Variants in TNFSF4 observed in about 807,000 individuals in gnomAD.
TNFSF4 encodes tumor necrosis factor ligand superfamily member 4.
A neutral mutation model predicts 7.3 loss-of-function variants in TNFSF4; 4 were observed. That is an observed-to-expected ratio of 0.55 (90% CI 0.27 to 1.25). TNFSF4 has a LOEUF of 1.25. Among genes scored for constraint, TNFSF4 ranks in the 50% most tolerant of loss-of-function variants. TNFSF4 has a pLI of 0.12. For missense variants in TNFSF4, 181 were observed against 208.8 expected, an observed-to-expected ratio of 0.87 and a Z score of 0.82; for synonymous variants, 76 against 83.7, an observed-to-expected ratio of 0.91 and a Z score of 0.50.
chr1:173,299,512 C>T, the TNFSF4 span, among the ~76,000 whole-genome samples: 6 of 151,846 alleles, frequency 4.0e-5, no homozygotes, highest in Non-Finnish European at 7.4e-5. Flanking sequence ...CCTTCTCCCA[C>T]GGGAAATATT....
At chr1:173,361,958 T>C in the TNFSF4 span, among the ~76,000 whole-genome samples, 4 of 152,170 alleles carry the variant, frequency 2.6e-5, no homozygotes, top group Non-Finnish European at 4.4e-5. Flanking sequence ...TAGAACTCTA[T>C]CTCCATCAAT....
At chr1:173,426,653 T>C in the TNFSF4 span, among the ~76,000 whole-genome samples, 1 of 152,026 alleles carries the variant, frequency 6.6e-6, no homozygotes, top group Non-Finnish European at 1.5e-5. Flanking sequence ...TAGAGTGCAG[T>C]GACACAACAC....
At chr1:173,350,526 G>T in the TNFSF4 span, among the ~76,000 whole-genome samples, 1 of 152,162 alleles carries the variant, frequency 6.6e-6, no homozygotes, top group Admixed American at 6.5e-5. Flanking sequence ...TGTATTAGAT[G>T]ACTGAATTAA....
the TNFSF4 span, among the ~76,000 whole-genome samples, chr1:173,338,241 T>C: frequency 1.3e-5 from 2 of 152,214 alleles, no homozygotes; most frequent in African/African-American, 4.8e-5. Context: ...GACAGCTCTT[T>C]GTCCTTACTG....
chr1:173,317,281 C>T, the TNFSF4 span, among the ~76,000 whole-genome samples: 1 of 152,190 alleles, frequency 6.6e-6, no homozygotes, highest in East Asian at 1.9e-4. Flanking sequence ...GTTAAATATG[C>T]TCTGTAAGTA....
At chr1:173,265,131 GT>G in the TNFSF4 span, among the ~76,000 whole-genome samples, 14 of 152,302 alleles carry the variant, frequency 9.2e-5, no homozygotes, top group African/African-American at 3.4e-4. Flanking sequence ...CCCCGCAGAA[GT>G]TTTTACTCCC....
the TNFSF4 span, among the ~76,000 whole-genome samples, chr1:173,215,484 C>T: frequency 6.6e-6 from 1 of 152,108 alleles, no homozygotes; most frequent in Non-Finnish European, 1.5e-5. Context: ...TATCCTGTTA[C>T]CTTCGATGTC....
chr1:173,301,644 G>T, the TNFSF4 span, among the ~76,000 whole-genome samples: 1 of 151,656 alleles, frequency 6.6e-6, no homozygotes, highest in East Asian at 1.9e-4. Context: ...TCCTCCCAAA[G>T]CCTTTTTCTA....
At chr1:173,280,325 T>C in the TNFSF4 span, among the ~76,000 whole-genome samples, 1 of 152,152 alleles carries the variant, frequency 6.6e-6, no homozygotes, top group African/African-American at 2.4e-5. Flanking sequence ...CTTTCTGGTT[T>C]CTCTTCCTTT....
the TNFSF4 span, among the ~76,000 whole-genome samples, chr1:173,368,753 CA>C: frequency 1.3e-5 from 2 of 152,028 alleles, no homozygotes; most frequent in Admixed American, 1.3e-4. Flanking sequence ...AAAGTTACAT[CA>C]CCCAAGAGAG....
Position 173,184,113 on chromosome 1 carries a change from T to C in TNFSF4, c.*2403A>G, listed in dbSNP as rs1273635876. The C allele has an allele frequency of 6.6e-6, 1 of 152,210 alleles. No individual in the cohort carries two copies. Among genetic ancestry groups the C allele is most frequent in the Non-Finnish European group, 1.5e-5 (1 of 68,038 alleles). 9.4% of individuals were successfully genotyped at this position (152,210 alleles called of 1,614,324 possible). ...TAATATGTGCATTCACAGATAACACTGTAAGCATAAGATTCTAAACTGTTA... is the reference window on the plus strand; with the variant it reads ...TAATATGTGCATTCACAGATAACACCGTAAGCATAAGATTCTAAACTGTTA... On this transcript the variant is annotated 3_prime_UTR_variant, in exon 3 of 3. Coordinates refer to ENST00000281834, the MANE Select transcript of TNFSF4 (RefSeq NM_003326.5).
chr1:173,351,301 A>G, the TNFSF4 span, among the ~76,000 whole-genome samples: 2 of 152,102 alleles, frequency 1.3e-5, no homozygotes, highest in African/African-American at 4.8e-5. Context: ...CATCATTTAG[A>G]TCTCAACCTA....
At chr1:173,177,799 C>T in the TNFSF4 span, among the ~76,000 whole-genome samples, 1 of 151,964 alleles carries the variant, frequency 6.6e-6, no homozygotes, top group Non-Finnish European at 1.5e-5. Flanking sequence ...CATCAAATCA[C>T]TATAATGCAA....
chr1:173,183,099 C>T (rs548763794), downstream of TNFSF4, among the ~76,000 whole-genome samples: 107 of 152,272 alleles, frequency 7.0e-4, 1 homozygote, highest in Middle Eastern at 6.8e-3. Flanking sequence ...GGCTAGACTG[C>T]GGCTCATTGG....
At chr1:173,383,336 G>A in the TNFSF4 span, among the ~76,000 whole-genome samples, 1 of 152,342 alleles carries the variant, frequency 6.6e-6, no homozygotes, top group Non-Finnish European at 1.5e-5. Context: ...TTATTGAGTA[G>A]AGGTAGTAGA....
At chr1:173,327,367 G>T in the TNFSF4 span, among the ~76,000 whole-genome samples, 1 of 152,168 alleles carries the variant, frequency 6.6e-6, no homozygotes, top group East Asian at 1.9e-4. Flanking sequence ...ATGGATTAAA[G>T]ACTTAAATGT....
chr1:173,276,703 G>A, the TNFSF4 span, among the ~76,000 whole-genome samples: 1 of 152,106 alleles, frequency 6.6e-6, no homozygotes, highest in Non-Finnish European at 1.5e-5. Flanking sequence ...AAGTACTATT[G>A]AGAAGAAAAT....
intron 1 of TNFSF4, among the ~76,000 whole-genome samples, chr1:173,192,735 A>G (rs1431828598): frequency 1.3e-5 from 2 of 152,236 alleles, no homozygotes; most frequent in East Asian, 1.9e-4. Flanking sequence ...CAGTGAATAC[A>G]AGTCTTATCT....
At chr1:173,298,376 T>C in the TNFSF4 span, among the ~76,000 whole-genome samples, 1 of 151,946 alleles carries the variant, frequency 6.6e-6, no homozygotes, top group African/African-American at 2.4e-5. Context: ...TTAGTTAACA[T>C]GTAATTCAGT....
Sources: gnomAD v4.1 joint callset for allele counts (sites outside exome capture counted in the v4.1 genomes callset) on GRCh38, gnomAD v4.1.1 for gene constraint, MANE v1.5 for transcripts, NCBI Gene and HGNC (gene_info 2026-07-23, HGNC 2026-07-21) for gene names.